Variants in SPPL2A observed in about 807,000 individuals in gnomAD.
The protein encoded by SPPL2A is signal peptide peptidase like 2A, also known as signal peptide peptidase-like 2A.
A neutral mutation model predicts 63.8 loss-of-function variants in SPPL2A; 51 were observed. The ratio of observed to expected loss-of-function variants is 0.80; its 90% CI spans 0.64 to 1.01. The LOEUF (loss-of-function observed/expected upper bound fraction) is 1.01, where lower values mean the gene tolerates loss of function less well. Among genes scored for constraint, SPPL2A ranks in the 50% least tolerant of loss-of-function variants. The pLI is 0.00. For synonymous variants in SPPL2A, 188 were observed against 205.8 expected, an observed-to-expected ratio of 0.91 and a Z score of 0.74; for missense variants, 553 against 622.7, an observed-to-expected ratio of 0.89 and a Z score of 1.19.
At chr15:50,731,136 A>G (rs904513623) in intron 9 of SPPL2A, 97 bp from the exon 10 acceptor site, 2 of 573,006 alleles carry the variant, frequency 3.5e-6, no homozygotes, top group Non-Finnish European at 3.1e-6. Flanking sequence ...ATGAATATAC[A>G]TTTAAATATT....
At chr15:50,750,988 G>A (rs370854397) in intron 1 of SPPL2A, among the ~76,000 whole-genome samples, 109 of 152,270 alleles carry the variant, frequency 7.2e-4, no homozygotes, top group African/African-American at 2.5e-3. Context: ...ACAAGTCAAC[G>A]TAAGTTTCTA....
In SPPL2A at chr15:50,748,027, A is replaced by G. The variant is rs1038990331; in HGVS notation, c.450+86T>C. ...CTTCTTGTTAGCAAATGGAGCAAAT[A>G]TAACACTCAAAATTAAACATTAGTG... On this transcript the variant is annotated intron_variant, in intron 4 of 14. Coordinates refer to ENST00000261854, the MANE Select transcript of SPPL2A (RefSeq NM_032802.4). 6.1e-5 allele frequency: 36 copies of G among 589,674 alleles called. 1 individual carries two copies. The highest frequency in any genetic ancestry group is 8.4e-4 in the Middle Eastern group (2 of 2,390). 36.5% of individuals were successfully genotyped at this position (589,674 alleles called of 1,614,324 possible).
chr15:50,707,894 GT>G lies in SPPL2A; in HGVS notation c.1489-21del. 1 of 1,404,738 alleles carries G rather than the reference GT, an allele frequency of 7.1e-7. No individual in the cohort carries two copies. The highest frequency in any genetic ancestry group is 1.0e-6 in the Non-Finnish European group (1 of 995,952). The allele number at this position is 1,404,738 out of a possible 1,614,324, so 87.0% of individuals were successfully genotyped here. ...CATCATCTAGGCATAAATAAAAGAC[GT>G]TAGGAAATGCAAAATTTCAACTTGC... On this transcript the variant is annotated intron_variant, in intron 14 of 14. Coordinates refer to ENST00000261854, the MANE Select transcript of SPPL2A (RefSeq NM_032802.4).
At chr15:50,755,166 A>C (rs2062945314) in intron 1 of SPPL2A, among the ~76,000 whole-genome samples, 1 of 151,508 alleles carries the variant, frequency 6.6e-6, no homozygotes, top group Non-Finnish European at 1.5e-5. Flanking sequence ...AAAAATAAAA[A>C]AATCAGCCAA....
rs2062485551 is a variant in SPPL2A, at chr15:50,702,879, A to G, written c.*4921T>C. ...ATTTATACTTATGATCTTCACTATA[A>G]TATGGCCTATATATTACCCTGTCAA... On this transcript the variant is annotated 3_prime_UTR_variant, in exon 15 of 15. Transcript: ENST00000261854. 1 of 150,760 alleles carries G rather than the reference A, an allele frequency of 6.6e-6. No homozygotes were observed. The highest frequency in any genetic ancestry group is 1.5e-5 in the Non-Finnish European group (1 of 68,032). 9.3% of individuals were successfully genotyped at this position (150,760 alleles called of 1,614,324 possible). A position where few individuals can be genotyped will look rare whatever the true frequency, so the allele number is the denominator to read the frequency against.
chr15:50,714,468 C>T (rs999218288), intron 14 of SPPL2A, among the ~76,000 whole-genome samples: 1 of 151,632 alleles, frequency 6.6e-6, no homozygotes, highest in African/African-American at 2.4e-5. Flanking sequence ...CCCATCTCTA[C>T]TAAAAATACA....
intron 11 of SPPL2A, chr15:50,726,000 C>T: frequency 3.5e-5 from 34 of 965,044 alleles, no homozygotes; most frequent in Middle Eastern, 2.5e-4. Context: ...ATTTTTTTTT[C>T]CCCCAAAGAA....
chr15:50,749,827 G>T, intron 1 of SPPL2A, 81 bp from the exon 2 acceptor site: 2 of 835,918 alleles, frequency 2.4e-6, no homozygotes, highest in Non-Finnish European at 2.1e-6. Context: ...CTATTTATAT[G>T]CAGGGTTGAT....
intron 14 of SPPL2A, among the ~76,000 whole-genome samples, chr15:50,717,970 T>TG (rs2062610811): frequency 8.7e-6 from 1 of 115,008 alleles, no homozygotes; most frequent in African/African-American, 3.1e-5. Context: ...TAACTTTCGT[T>TG]TTTTTTTTTT....
intron 8 of SPPL2A, among the ~76,000 whole-genome samples, chr15:50,733,257 T>C (rs564982882): frequency 3.9e-5 from 6 of 152,320 alleles, no homozygotes; most frequent in East Asian, 1.9e-4. Flanking sequence ...CCATTGATTA[T>C]CCTACCTGAA....
At chr15:50,734,241 C>T (rs1291402173) in intron 8 of SPPL2A, among the ~76,000 whole-genome samples, 1 of 152,134 alleles carries the variant, frequency 6.6e-6, no homozygotes, top group Non-Finnish European at 1.5e-5. Context: ...ATGGAATCAA[C>T]CTAAGTGTCC....
At position 50,702,853 on chromosome 15, in the gene SPPL2A, C is replaced by CTTTTATTTATTTT. The variant is rs2062485447; in HGVS notation, c.*4946_*4947insAAAATAAATAAAA. Reference sequence around the variant, plus strand: ...TCAATATGGAAAGATTAAACGAGGACATTTATACTTATGATCTTCACTATA... The same window carrying CTTTTATTTATTTT: ...TCAATATGGAAAGATTAAACGAGGACTTTTATTTATTTTATTTATACTTATGATCTTCACTATA... On this transcript the variant is annotated 3_prime_UTR_variant, in exon 15 of 15. Coordinates refer to ENST00000261854, the MANE Select transcript of SPPL2A (RefSeq NM_032802.4). 1 of 152,018 alleles carries CTTTTATTTATTTT rather than the reference C, an allele frequency of 6.6e-6. No homozygotes were observed. Among genetic ancestry groups the CTTTTATTTATTTT allele is most frequent in the Non-Finnish European group, 1.5e-5 (1 of 68,018 alleles). 9.4% of individuals were successfully genotyped at this position (152,018 alleles called of 1,614,324 possible).
rs539516977 is a variant in SPPL2A, at chr15:50,707,693, A to C, written c.*107T>G. The C allele has an allele frequency of 3.0e-4, 193 of 643,072 alleles. 1 individual carries two copies. The highest frequency in any genetic ancestry group is 2.8e-3 in the East Asian group (108 of 38,278). 39.8% of individuals were successfully genotyped at this position (643,072 alleles called of 1,614,324 possible). ...CAGCTCATAAAAATATATTTTTGCA[A>C]GCATATCATTGAAGACTCTTTCAGA... On this transcript the variant is annotated 3_prime_UTR_variant, in exon 15 of 15. Coordinates refer to ENST00000261854, the MANE Select transcript of SPPL2A (RefSeq NM_032802.4).
At chr15:50,764,610 G>GT (rs1567170998) in intron 1 of SPPL2A, 2 of 152,090 alleles carry the variant, frequency 1.3e-5, no homozygotes, top group African/African-American at 4.8e-5. Context: ...AATAACATGC[G>GT]TAAGTTTCCA....
intron 1 of SPPL2A, among the ~76,000 whole-genome samples, chr15:50,761,282 AG>A (rs1473493723): frequency 3.9e-5 from 6 of 152,162 alleles, no homozygotes; most frequent in Admixed American, 3.9e-4. Context: ...AGACACTATG[AG>A]GAAGACTCAG....
At chr15:50,714,331 G>C (rs2062582858) in intron 14 of SPPL2A, among the ~76,000 whole-genome samples, 1 of 152,132 alleles carries the variant, frequency 6.6e-6, no homozygotes, top group African/African-American at 2.4e-5. Flanking sequence ...CTGTGAAGCA[G>C]AGGCAAATTT....
At chr15:50,724,688 C>T (rs16963872) in intron 12 of SPPL2A, among the ~76,000 whole-genome samples, 1 of 151,978 alleles carries the variant, frequency 6.6e-6, no homozygotes, top group Non-Finnish European at 1.5e-5. Flanking sequence ...ATTCTACAGA[C>T]AGAGCAGTGA....
intron 1 of SPPL2A, among the ~76,000 whole-genome samples, chr15:50,756,157 A>C (rs572507052): frequency 2.0e-4 from 31 of 151,428 alleles, no homozygotes; most frequent in Admixed American, 1.6e-3. Flanking sequence ...TCAGGAGATC[A>C]AGACCATCCT....
At chr15:50,743,838 A>C (rs2062839105) in intron 5 of SPPL2A, among the ~76,000 whole-genome samples, 1 of 152,140 alleles carries the variant, frequency 6.6e-6, no homozygotes, top group South Asian at 2.1e-4. Context: ...TAATATACAA[A>C]ATGATTTTAG....
Sources: gnomAD v4.1 joint callset for allele counts (sites outside exome capture counted in the v4.1 genomes callset) on GRCh38, gnomAD v4.1.1 for gene constraint, MANE v1.5 for transcripts, NCBI Gene and HGNC (gene_info 2026-07-23, HGNC 2026-07-21) for gene names.